DLGAP2: variants seen among roughly 807,000 people sequenced by gnomAD.
The protein encoded by DLGAP2 is disks large-associated protein 2.
In DLGAP2, 26 loss-of-function variants were observed where a neutral mutation model predicts 100.3. The ratio of observed to expected loss-of-function variants is 0.26; its 90% CI spans 0.19 to 0.36. DLGAP2 has a LOEUF of 0.36. Among genes scored for constraint, DLGAP2 ranks in the 10% least tolerant of loss-of-function variants. The pLI, the probability that DLGAP2 is intolerant of heterozygous loss-of-function variation, is 1.00. For synonymous variants in DLGAP2, 886 were observed against 630.1 expected, an observed-to-expected ratio of 1.41 and a Z score of -6.08; for missense variants, 1,858 against 1,453.2, an observed-to-expected ratio of 1.28 and a Z score of -4.53.
intron 1 of DLGAP2, among the ~76,000 whole-genome samples, chr8:850,421 GAAAA>G (rs535082626): frequency 1.3e-5 from 2 of 151,702 alleles, no homozygotes; most frequent in African/African-American, 4.8e-5. Context: ...TGTATTTTAA[GAAAA>G]AAAATCATCA....
chr8:1,060,840 G>A (rs1391270949), intron 2 of DLGAP2, among the ~76,000 whole-genome samples: 1 of 152,236 alleles, frequency 6.6e-6, no homozygotes, highest in Non-Finnish European at 1.5e-5. Context: ...CCACAGCCAG[G>A]GCAGCCTGGG....
chr8:1,165,976 T>A (rs1227444241), intron 2 of DLGAP2, among the ~76,000 whole-genome samples: 1 of 152,256 alleles, frequency 6.6e-6, no homozygotes, highest in Non-Finnish European at 1.5e-5. Context: ...GACTTTTTTC[T>A]TCCAGTAATA....
intron 3 of DLGAP2, among the ~76,000 whole-genome samples, chr8:1,416,293 G>A (rs1047090705): frequency 2.6e-5 from 4 of 152,160 alleles, no homozygotes; most frequent in South Asian, 4.1e-4. Flanking sequence ...TTCCCGTCAC[G>A]ACGGCCATGG....
chr8:1,269,233 A>G (rs1799530455), intron 3 of DLGAP2, among the ~76,000 whole-genome samples: 1 of 152,174 alleles, frequency 6.6e-6, no homozygotes, highest in African/African-American at 2.4e-5. Context: ...ATTTCACAGC[A>G]GTAAATGAGT....
intron 3 of DLGAP2, among the ~76,000 whole-genome samples, chr8:1,308,584 G>C (rs1017600790): frequency 6.6e-6 from 1 of 152,182 alleles, no homozygotes; most frequent in Non-Finnish European, 1.5e-5. Context: ...GGAGTGCAGT[G>C]GTGTGATCTC....
At chr8:1,450,814 A>C (rs1322712366) in intron 3 of DLGAP2, among the ~76,000 whole-genome samples, 1 of 152,168 alleles carries the variant, frequency 6.6e-6, no homozygotes, top group East Asian at 1.9e-4. Flanking sequence ...TATTTGGGCA[A>C]ATATTTAGAA....
intron 2 of DLGAP2, among the ~76,000 whole-genome samples, chr8:984,922 A>G (rs1480128132): frequency 1.3e-5 from 2 of 152,192 alleles, no homozygotes; most frequent in African/African-American, 4.8e-5. Flanking sequence ...AACGATAGCT[A>G]GGCTCCTAAC....
intron 1 of DLGAP2, among the ~76,000 whole-genome samples, chr8:856,499 T>A (rs1035238867): frequency 2.4e-4 from 37 of 152,186 alleles, no homozygotes; most frequent in African/African-American, 8.9e-4. Flanking sequence ...TGGAAAAATC[T>A]TCTGAAACTA....
intron 3 of DLGAP2, among the ~76,000 whole-genome samples, chr8:1,436,856 T>G (rs1286463567): frequency 6.6e-6 from 1 of 152,210 alleles, no homozygotes; most frequent in African/African-American, 2.4e-5. Context: ...TGTACCATAT[T>G]TTTACTGTAG....
At chr8:948,420 A>G (rs1427941552) in intron 2 of DLGAP2, among the ~76,000 whole-genome samples, 1 of 152,178 alleles carries the variant, frequency 6.6e-6, no homozygotes, top group Non-Finnish European at 1.5e-5. Context: ...AGCGGGCGAC[A>G]GGGTCCCATG....
intron 4 of DLGAP2, among the ~76,000 whole-genome samples, chr8:1,537,199 A>G (rs1045488065): frequency 6.6e-6 from 1 of 152,140 alleles, no homozygotes; most frequent in Non-Finnish European, 1.5e-5. Context: ...GTGTGCATGC[A>G]TGCATATGTG....
intron 2 of DLGAP2, among the ~76,000 whole-genome samples, chr8:1,218,797 A>C (rs1032436501): frequency 1.3e-5 from 2 of 151,994 alleles, no homozygotes; most frequent in Middle Eastern, 6.8e-3. Flanking sequence ...TTTCATCTCT[A>C]ATATCTTTCA....
intron 2 of DLGAP2, among the ~76,000 whole-genome samples, chr8:964,437 C>A (rs749450091): frequency 2.6e-5 from 4 of 152,230 alleles, no homozygotes; most frequent in African/African-American, 9.6e-5. Flanking sequence ...AGCAGAGTCG[C>A]AGAGGACCCA....
chr8:1,441,412 G>T (rs778150440), intron 3 of DLGAP2, among the ~76,000 whole-genome samples: 12 of 152,062 alleles, frequency 7.9e-5, no homozygotes, highest in Non-Finnish European at 1.5e-4. Context: ...GAACTTGGCC[G>T]GGCATGGTGG....
intron 3 of DLGAP2, among the ~76,000 whole-genome samples, chr8:1,329,155 C>T (rs1253013864): frequency 6.6e-6 from 1 of 152,174 alleles, no homozygotes; most frequent in East Asian, 1.9e-4. Flanking sequence ...AAACTGGGCC[C>T]AGATCAGCCT....
chr8:968,674 C>T (rs1276667266), intron 2 of DLGAP2, among the ~76,000 whole-genome samples: 1 of 152,132 alleles, frequency 6.6e-6, no homozygotes, highest in African/African-American at 2.4e-5. Flanking sequence ...TTGTAACATA[C>T]AGGGACGAAA....
chr8:1,258,391 C>G (rs1168642874), intron 2 of DLGAP2, among the ~76,000 whole-genome samples: 2 of 149,842 alleles, frequency 1.3e-5, no homozygotes, highest in Non-Finnish European at 3.0e-5. Context: ...ACAATGAGAA[C>G]ACATGGACAT....
rs1309426026 is a variant in DLGAP2, at chr8:1,099,004, G to A, written c.74-159847G>A. Reference sequence around the variant, plus strand: ...CCAACAGTCTGTTCGTTTGGAAAAGGGTACATTTCATGGCTCACTCCTCTG... The same window carrying A: ...CCAACAGTCTGTTCGTTTGGAAAAGAGTACATTTCATGGCTCACTCCTCTG... On this transcript the variant is annotated intron_variant, in intron 2 of 14. Coordinates refer to ENST00000637795, the MANE Select transcript of DLGAP2 (RefSeq NM_001346810.2). Among the ~76,000 whole-genome samples the A allele has an allele frequency of 2.0e-5, 3 of 152,194 alleles. No individual in the cohort carries two copies. The East Asian group carries it at 5.8e-4, about 29-fold the overall frequency.
At chr8:1,595,889 T>C (rs1300767840) in intron 6 of DLGAP2, among the ~76,000 whole-genome samples, 3 of 136,654 alleles carry the variant, frequency 2.2e-5, no homozygotes, top group African/African-American at 5.0e-5. Context: ...ATTATTATTA[T>C]ACTTTAAGTT....
Sources: allele counts gnomAD v4.1 joint callset (sites outside exome capture counted in the v4.1 genomes callset), GRCh38; gene constraint gnomAD v4.1.1; transcripts MANE v1.5; gene names NCBI Gene and HGNC (gene_info 2026-07-23, HGNC 2026-07-21).